CIITA: variants seen among roughly 807,000 people sequenced by gnomAD.
The protein encoded by CIITA is MHC class II transactivator.
A neutral mutation model predicts 115.1 loss-of-function variants in CIITA; 72 were observed. The observed-to-expected ratio is 0.63, with a 90% CI of 0.52 to 0.76. The LOEUF is 0.76. Among genes scored for constraint, CIITA ranks in the 30% least tolerant of loss-of-function variants. CIITA has a pLI of 0.00. For synonymous variants in CIITA, 763 were observed against 635.6 expected (o/e 1.20, Z -3.02); for missense variants, 1,617 against 1,463.8 (o/e 1.10, Z -1.71).
chr16:10,902,009 A>T (rs767609207), intron 6 of CIITA, 29 bp from the exon 7 acceptor site: 1 of 1,613,408 alleles, frequency 6.2e-7, no homozygotes, highest in Non-Finnish European at 8.5e-7. Flanking sequence ...CCAAGCACCC[A>T]GTCTCTAACA....
rs1263439471 is a variant in CIITA at position 10,920,240 on chromosome 16, T to G, written c.3149+1714T>G. 6.6e-6 allele frequency among the ~76,000 whole-genome samples: 1 copy of G among 152,162 alleles called. No individual in the cohort carries two copies. The highest frequency in any genetic ancestry group is 1.5e-5 in the Non-Finnish European group (1 of 68,028). On this transcript the variant is annotated intron_variant, in intron 16 of 19. Transcript: ENST00000324288. This position sits in a 1 kb window ranked among gnomAD's most constrained non-coding sequence, Gnocchi z 4.5. ...GGCGACACTTGATCTGATTTACACTTTTCTTTTTTCTTTTCTTTTCTTTTT... is the reference window on the plus strand; with the variant it reads ...GGCGACACTTGATCTGATTTACACTGTTCTTTTTTCTTTTCTTTTCTTTTT...
chr16:10,909,631 C>A (rs2039421034), intron 12 of CIITA, among the ~76,000 whole-genome samples: 1 of 152,226 alleles, frequency 6.6e-6, no homozygotes, highest in Admixed American at 6.5e-5. Flanking sequence ...CTTCATCACA[C>A]ATTGTTTGAG....
upstream of CIITA, among the ~76,000 whole-genome samples, chr16:10,873,991 G>T (rs1181047457): frequency 2.0e-5 from 3 of 151,964 alleles, no homozygotes; most frequent in Non-Finnish European, 2.9e-5. Flanking sequence ...TTTTGTTTTT[G>T]ATTTTTTGAA....
At chr16:10,877,064 G>A (rs2035895980), upstream of CIITA, 5 of 591,786 alleles carry the variant, frequency 8.4e-6, no homozygotes, top group Non-Finnish European at 1.2e-5. Context: ...TTAAGGGAGT[G>A]TGGTAAAATT....
At chr16:10,895,904 C>T (rs1371152241) in intron 3 of CIITA, 140 bp downstream of exon 3, 3 of 866,296 alleles carry the variant, frequency 3.5e-6, no homozygotes, top group East Asian at 5.4e-5. Flanking sequence ...GGAGCAATGG[C>T]TGGAGGAACG....
At chr16:10,919,974 G>A (rs538713298) in intron 16 of CIITA, among the ~76,000 whole-genome samples, 114 of 152,284 alleles carry the variant, frequency 7.5e-4, no homozygotes, top group Middle Eastern at 3.4e-3. Flanking sequence ...GGAAGCTCTA[G>A]GGGAAAAGGA....
At position 10,935,670 on chromosome 16, in the gene CIITA, C is replaced by T. The variant is rs2040995369; in HGVS notation, c.*11815C>T. ...CACCAACTGATCAAAGTTAACATCG[C>T]CAGAAAGGGGACAGATGGCATGTGC... On this transcript the variant is annotated 3_prime_UTR_variant, in exon 20 of 20. Transcript: ENST00000324288. 1 of 152,138 alleles carries T rather than the reference C, an allele frequency of 6.6e-6. No homozygotes were observed. Among genetic ancestry groups the T allele is most frequent in the Non-Finnish European group, 1.5e-5 (1 of 68,030 alleles). 9.4% of individuals were successfully genotyped at this position (152,138 alleles called of 1,614,324 possible). A position where few individuals can be genotyped will look rare whatever the true frequency, so the allele number is the denominator to read the frequency against.
At chr16:10,917,504 C>A (rs1194686743) in intron 15 of CIITA, among the ~76,000 whole-genome samples, 11 of 138,516 alleles carry the variant, frequency 7.9e-5, no homozygotes, top group Non-Finnish European at 4.6e-5. Flanking sequence ...TTTTTTGACA[C>A]GGAGTCTCGC....
At chr16:10,881,233 G>A (rs964563724) in intron 1 of CIITA, among the ~76,000 whole-genome samples, 1 of 152,006 alleles carries the variant, frequency 6.6e-6, no homozygotes, top group Non-Finnish European at 1.5e-5. Flanking sequence ...AGAGGTGGAG[G>A]TTACCCGAGA....
chr16:10,881,151 C>A (rs770355332), intron 1 of CIITA, among the ~76,000 whole-genome samples: 3 of 151,974 alleles, frequency 2.0e-5, no homozygotes, highest in Non-Finnish European at 4.4e-5. Flanking sequence ...TGGTGGTGCA[C>A]ACCTGTAATC....
Position 10,879,338 on chromosome 16 carries a change from G to C in CIITA, c.52+1956G>C, listed in dbSNP as rs993709563. Among the ~76,000 whole-genome samples the C allele has an allele frequency of 6.6e-6, 1 of 152,060 alleles. No individual in the cohort carries two copies. Among genetic ancestry groups the C allele is most frequent in the Non-Finnish European group, 1.5e-5 (1 of 68,002 alleles). ...GCAGAGAAGCCGGAGCGCAGACTGG[G>C]AGCGCGGAGCAGACACACTCCCCCG... On this transcript the variant is annotated intron_variant, in intron 1 of 19. Coordinates refer to ENST00000324288, the MANE Select transcript of CIITA (RefSeq NM_000246.4). The surrounding 1 kb of genome is among the most constrained non-coding windows in gnomAD (Gnocchi z 4.3).
chr16:10,907,498 G>C lies in CIITA; in HGVS notation c.2006G>C (p.Arg669Pro). Residue 669 changes from arginine to proline, a missense_variant, in exon 11 of 20, where the codon CGC becomes CCC. Physicochemically the swap from Arg to Pro is moderately radical, Grantham distance 103 (BLOSUM62 -2). Transcript: ENST00000324288. This position sits in a 1 kb window ranked among gnomAD's most constrained non-coding sequence, Gnocchi z 5.0. ...ELAKLAWELGRRHQSTLQEDQ... is the reference protein window; with the variant it reads ...ELAKLAWELGPRHQSTLQEDQ... ...GCCAAGCTGGCCTGGGAGCTGGGCC[G>C]CAGACATCAAAGTACCCTACAGGAG... 1 of 1,613,898 alleles carries C rather than the reference G, an allele frequency of 6.2e-7. No individual in the cohort carries two copies. The highest frequency in any genetic ancestry group is 8.5e-7 in the Non-Finnish European group (1 of 1,179,982).
intron 1 of CIITA, among the ~76,000 whole-genome samples, chr16:10,883,243 T>C (rs2036602701): frequency 6.6e-6 from 1 of 152,168 alleles, no homozygotes; most frequent in Non-Finnish European, 1.5e-5. Flanking sequence ...CAGGTTCCCT[T>C]CCAGGAAAAA....
intron 16 of CIITA, among the ~76,000 whole-genome samples, chr16:10,919,348 C>A (rs559164270): frequency 6.6e-6 from 1 of 152,178 alleles, no homozygotes; most frequent in Admixed American, 6.5e-5. Context: ...AGGCGCCCAC[C>A]ACCACGTCCA....
chr16:10,903,640 T>G, intron 8 of CIITA, 91 bp from the exon 9 acceptor site: 1 of 1,377,788 alleles, frequency 7.3e-7, no homozygotes, highest in Non-Finnish European at 1.0e-6. Flanking sequence ...CTTCCTGAGC[T>G]CCACAGCCCA....
chr16:10,888,030 G>A (rs2037136918), intron 1 of CIITA, among the ~76,000 whole-genome samples: 1 of 152,160 alleles, frequency 6.6e-6, no homozygotes, highest in Non-Finnish European at 1.5e-5. Context: ...AATAGTAAAT[G>A]CAAGGCATCT....
intron 7 of CIITA, 82 bp downstream of exon 7, chr16:10,902,266 A>G (rs1201204525): frequency 3.8e-6 from 6 of 1,569,482 alleles, no homozygotes; most frequent in Non-Finnish European, 4.3e-6. Context: ...AGGGACTGTC[A>G]GGAACTGGAC....
chr16:10,903,765 C>T lies in CIITA; in HGVS notation c.807C>T (p.Pro269=), dbSNP rs137859900. The change falls in exon 9 of 20, where the codon CCC becomes CCT. Residue 269 remains proline (P), a synonymous_variant. Coordinates refer to ENST00000324288, the MANE Select transcript of CIITA (RefSeq NM_000246.4). The stretch of plus-strand genomic sequence containing the variant: ...CCCAGGCCAGCCAAGTACCCCCTCC[C>T]AGTGGATTCACTGTCCACGGCCTCC... The part of the protein sequence containing the change: ...EVPQASQVPP[P]SGFTVHGLPT... 1.9e-6 allele frequency: 3 copies of T among 1,614,086 alleles called. No homozygotes were observed. Among genetic ancestry groups the T allele is most frequent in the African/African-American group, 1.3e-5 (1 of 74,920 alleles).
rs2040738411 is a variant in CIITA, at chr16:10,930,496, T to C, written c.*6641T>C. The C allele has an allele frequency of 1.3e-5, 2 of 152,164 alleles. No homozygotes were observed. Among genetic ancestry groups the C allele is most frequent in the African/African-American group, 2.4e-5 (1 of 41,428 alleles). The allele number at this position is 152,164 out of a possible 1,614,324, so 9.4% of individuals were successfully genotyped here. A position where few individuals can be genotyped will look rare whatever the true frequency, so the allele number is the denominator to read the frequency against. ...ACCTAAGGGGGCGGAACTGTTTCCA[T>C]TGAGACCCATGCATCGTATAGGATA... On this transcript the variant is annotated 3_prime_UTR_variant, in exon 20 of 20. Coordinates refer to ENST00000324288, the MANE Select transcript of CIITA (RefSeq NM_000246.4).
Sources: gnomAD v4.1 joint callset for allele counts (sites outside exome capture counted in the v4.1 genomes callset) on GRCh38, gnomAD v4.1.1 for gene constraint, Gnocchi (gnomAD v3.1) non-coding constraint, MANE v1.5 for transcripts, NCBI Gene and HGNC (gene_info 2026-07-23, HGNC 2026-07-21) for gene names.